The following ROBO2 variants were observed in gnomAD, a reference collection of about 807,000 sequenced individuals.
ROBO2 encodes the protein roundabout guidance receptor 2.
Under a neutral mutation model 160.8 loss-of-function variants are expected in ROBO2, and 53 were observed. The ratio of observed to expected loss-of-function variants is 0.33; its 90% CI spans 0.26 to 0.41. ROBO2 has a LOEUF of 0.41. ROBO2 is among the 10% of genes least tolerant of loss of function. The pLI is 1.00. For missense variants in ROBO2, 1,577 were observed against 1,722.4 expected, an observed-to-expected ratio of 0.92 and a Z score of 1.49; for synonymous variants, 664 against 611.7, an observed-to-expected ratio of 1.09 and a Z score of -1.26.
chr3:76,363,430 TTATTCTCTTATCTAAAGGA>T (rs2075638416), intron 2 of ROBO2, among the ~76,000 whole-genome samples: 1 of 152,130 alleles, frequency 6.6e-6, no homozygotes, highest in Non-Finnish European at 1.5e-5. Flanking sequence ...ACCACCACGT[TTATTCTCTTATCTAAAGGA>T]TATCGTAACA....
intron 2 of ROBO2, among the ~76,000 whole-genome samples, chr3:76,905,777 C>G (rs953661971): frequency 2.6e-5 from 4 of 152,168 alleles, no homozygotes; most frequent in Non-Finnish European, 5.9e-5. Context: ...CTTATTTCTG[C>G]TCCTCATTCA....
intron 2 of ROBO2, among the ~76,000 whole-genome samples, chr3:76,319,786 A>G (rs562672264): frequency 6.6e-6 from 1 of 151,906 alleles, no homozygotes; most frequent in East Asian, 1.9e-4. Context: ...TCAAAATACA[A>G]AGTTATTCCT....
chr3:76,725,343 T>A (rs1019794473), intron 2 of ROBO2, among the ~76,000 whole-genome samples: 1 of 152,206 alleles, frequency 6.6e-6, no homozygotes, highest in African/African-American at 2.4e-5. Flanking sequence ...GCCATTGTCC[T>A]TGCACAAATG....
chr3:76,712,098 A>C (rs559991924), intron 2 of ROBO2, among the ~76,000 whole-genome samples: 1 of 152,374 alleles, frequency 6.6e-6, no homozygotes, highest in South Asian at 2.1e-4. Context: ...TTGGCTATAA[A>C]AATGAATAAG....
chr3:77,068,865 T>C (rs2067126383), intron 1 of ROBO2, among the ~76,000 whole-genome samples: 1 of 152,164 alleles, frequency 6.6e-6, no homozygotes, highest in African/African-American at 2.4e-5. Context: ...CTGCTTGGTT[T>C]TGTGATCCGC....
intron 2 of ROBO2, among the ~76,000 whole-genome samples, chr3:75,982,882 G>T (rs186331678): frequency 2.7e-4 from 41 of 151,482 alleles, no homozygotes; most frequent in African/African-American, 8.7e-4. Context: ...TTCATAAGTG[G>T]TATTGAATGG....
chr3:76,323,404 TA>T (rs1220203668), intron 2 of ROBO2, among the ~76,000 whole-genome samples: 6 of 152,182 alleles, frequency 3.9e-5, no homozygotes, highest in East Asian at 1.9e-4. Flanking sequence ...TGCATACTAT[TA>T]TTTTTTTATT....
intron 2 of ROBO2, among the ~76,000 whole-genome samples, chr3:75,971,483 G>T (rs1281241636): frequency 6.6e-6 from 1 of 151,450 alleles, no homozygotes; most frequent in African/African-American, 2.4e-5. Flanking sequence ...ATTAACCTCT[G>T]ATTTCTCATT....
At chr3:76,717,154 A>G (rs1035138389) in intron 2 of ROBO2, among the ~76,000 whole-genome samples, 2 of 152,114 alleles carry the variant, frequency 1.3e-5, no homozygotes, top group South Asian at 2.1e-4. Context: ...TAAATCTTTT[A>G]CAAAGAATCT....
chr3:76,575,099 T>G (rs2085205392), intron 2 of ROBO2, among the ~76,000 whole-genome samples: 1 of 152,002 alleles, frequency 6.6e-6, no homozygotes, highest in South Asian at 2.1e-4. Flanking sequence ...CCAAAAAAAT[T>G]AACTATTTTT....
intron 2 of ROBO2, among the ~76,000 whole-genome samples, chr3:77,352,618 A>C (rs1330172546): frequency 2.0e-5 from 3 of 152,198 alleles, no homozygotes; most frequent in Non-Finnish European, 4.4e-5. Context: ...CAGAATGAAT[A>C]GTCTCAAAAA....
At chr3:77,228,482 G>A (rs1333741810) in intron 2 of ROBO2, among the ~76,000 whole-genome samples, 1 of 151,218 alleles carries the variant, frequency 6.6e-6, no homozygotes, top group African/African-American at 2.4e-5. Flanking sequence ...TTTTTGATGT[G>A]GTTGTTTGTT....
At chr3:76,394,971 C>T (rs978664651) in intron 2 of ROBO2, among the ~76,000 whole-genome samples, 9 of 152,088 alleles carry the variant, frequency 5.9e-5, no homozygotes, top group African/African-American at 1.7e-4. Flanking sequence ...CTGCACCAAG[C>T]AGACCTAATA....
At chr3:76,227,754 A>G (rs1481965282) in intron 2 of ROBO2, among the ~76,000 whole-genome samples, 1 of 152,092 alleles carries the variant, frequency 6.6e-6, no homozygotes, top group East Asian at 1.9e-4. Flanking sequence ...GACATTTGAA[A>G]TCACCTACCC....
At chr3:76,492,904 C>A (rs1419264339) in intron 2 of ROBO2, among the ~76,000 whole-genome samples, 1 of 152,012 alleles carries the variant, frequency 6.6e-6, no homozygotes, top group African/African-American at 2.4e-5. Context: ...TGGATATAAT[C>A]ATGTAATTAT....
chr3:76,323,170 C>CACAT (rs879906700), intron 2 of ROBO2, among the ~76,000 whole-genome samples: 1,531 of 151,426 alleles, frequency 0.01, 13 homozygotes, highest in Non-Finnish European at 0.017. Flanking sequence ...CACACACACA[C>CACAT]ACACACCCCT....
intron 2 of ROBO2, among the ~76,000 whole-genome samples, chr3:77,032,845 G>A (rs1194689637): frequency 3.3e-5 from 5 of 152,146 alleles, no homozygotes; most frequent in Non-Finnish European, 5.9e-5. Context: ...ACCTTAGAGG[G>A]CAAATCTAGA....
chr3:76,845,699 A>T (rs998128590), intron 2 of ROBO2, among the ~76,000 whole-genome samples: 1 of 152,006 alleles, frequency 6.6e-6, no homozygotes, highest in Non-Finnish European at 1.5e-5. Flanking sequence ...TTCTTCAATC[A>T]TGCTTACACA....
chr3:76,578,174 G>A (rs1442498000), intron 2 of ROBO2, among the ~76,000 whole-genome samples: 3 of 152,156 alleles, frequency 2.0e-5, no homozygotes, highest in Admixed American at 6.5e-5. Flanking sequence ...ATATTGTAGG[G>A]TCGTCATGAG....
Sources: allele counts gnomAD v4.1 joint callset (sites outside exome capture counted in the v4.1 genomes callset), GRCh38; gene constraint gnomAD v4.1.1; transcripts MANE v1.5; gene names NCBI Gene and HGNC (gene_info 2026-07-23, HGNC 2026-07-21).